The following TMEM181 variants were observed in gnomAD, a reference collection of about 807,000 sequenced individuals.
TMEM181 encodes transmembrane protein 181.
In TMEM181, 39 loss-of-function variants were observed where a neutral mutation model predicts 71.9. The ratio of observed to expected loss-of-function variants is 0.54; its 90% CI spans 0.42 to 0.71. The LOEUF is 0.71. TMEM181 is among the 30% of genes least tolerant of loss of function. TMEM181 has a pLI of 0.00. For synonymous variants in TMEM181, 245 were observed against 228.8 expected (o/e 1.07, Z -0.64); for missense variants, 595 against 583.0 (o/e 1.02, Z -0.21).
At chr6:158,607,131 G>A in intron 7 of TMEM181, 113 bp from the exon 8 acceptor site, 2 of 808,132 alleles carry the variant, frequency 2.5e-6, no homozygotes, top group Non-Finnish European at 4.2e-6. Context: ...TCTTAGTGGG[G>A]CACCTAGACC....
At chr6:158,582,462 T>G (rs1168091835) in intron 3 of TMEM181, among the ~76,000 whole-genome samples, 2 of 152,118 alleles carry the variant, frequency 1.3e-5, no homozygotes, top group African/African-American at 2.4e-5. Flanking sequence ...CACATTCACT[T>G]GAGACTAGCC....
At chr6:158,597,824 G>A (rs1228688700) in intron 6 of TMEM181, among the ~76,000 whole-genome samples, 1 of 152,080 alleles carries the variant, frequency 6.6e-6, no homozygotes, top group Non-Finnish European at 1.5e-5. Flanking sequence ...CCTTCTATAA[G>A]GTGCAAATCC....
At chr6:158,555,128 G>C (rs1423981064), upstream of TMEM181, among the ~76,000 whole-genome samples, 2 of 152,306 alleles carry the variant, frequency 1.3e-5, no homozygotes, top group South Asian at 4.1e-4. Flanking sequence ...CATCTGGTTT[G>C]CTTGGTTAAT....
At chr6:158,621,457 T>A (rs915754600) in intron 10 of TMEM181, 1 of 224,462 alleles carries the variant, frequency 4.5e-6, no homozygotes, top group Admixed American at 4.3e-5. Flanking sequence ...AGCCACACCA[T>A]CCTCTTCCTG....
intron 1 of TMEM181, among the ~76,000 whole-genome samples, chr6:158,544,182 A>AGAGTGTGT (rs149735409): frequency 1.6e-5 from 2 of 127,648 alleles, no homozygotes; most frequent in African/African-American, 6.1e-5. Flanking sequence ...AATTGGAGAG[A>AGAGTGTGT]GTGTGTGTGT....
At chr6:158,549,704 A>G (rs1050256432) in intron 1 of TMEM181, among the ~76,000 whole-genome samples, 2 of 152,228 alleles carry the variant, frequency 1.3e-5, no homozygotes, top group Non-Finnish European at 2.9e-5. Context: ...AGAGGATTAC[A>G]TAATTGCTTT....
At chr6:158,591,740 C>T (rs576715825) in intron 6 of TMEM181, among the ~76,000 whole-genome samples, 1 of 152,208 alleles carries the variant, frequency 6.6e-6, no homozygotes, top group East Asian at 1.9e-4. Context: ...ACATCATCTC[C>T]TACAAGCCTT....
At chr6:158,558,672 C>T (rs1326576955), upstream of TMEM181, among the ~76,000 whole-genome samples, 2 of 152,218 alleles carry the variant, frequency 1.3e-5, no homozygotes, top group Non-Finnish European at 1.5e-5. Flanking sequence ...GGTGTCTTCT[C>T]TTTTATGTTA....
intron 6 of TMEM181, among the ~76,000 whole-genome samples, chr6:158,597,087 C>T (rs550241135): frequency 1.3e-5 from 2 of 152,144 alleles, no homozygotes; most frequent in Non-Finnish European, 2.9e-5. Flanking sequence ...GTCGATGGCC[C>T]CTTCCTGCCT....
At chr6:158,594,245 C>T (rs1042851265) in intron 6 of TMEM181, among the ~76,000 whole-genome samples, 3 of 151,744 alleles carry the variant, frequency 2.0e-5, no homozygotes, top group South Asian at 2.1e-4. Context: ...ATTACAGGTG[C>T]GCACCACTAT....
chr6:158,540,870 T>C (rs1781314449), intron 1 of TMEM181, among the ~76,000 whole-genome samples: 1 of 152,094 alleles, frequency 6.6e-6, no homozygotes. Flanking sequence ...TCGACTCCTC[T>C]CCCGCAGCCT....
chr6:158,537,590 A>G (rs1336451734), intron 1 of TMEM181, among the ~76,000 whole-genome samples: 4 of 152,136 alleles, frequency 2.6e-5, no homozygotes, highest in Admixed American at 1.3e-4. Context: ...TTCACCGCCA[A>G]TGGCCGATTT....
At chr6:158,629,205 A>T (rs1287249999) in intron 14 of TMEM181, among the ~76,000 whole-genome samples, 1 of 152,194 alleles carries the variant, frequency 6.6e-6, no homozygotes, top group Non-Finnish European at 1.5e-5. Flanking sequence ...GGGATTTCTT[A>T]TGTCCCAGTT....
chr6:158,597,563 C>T (rs1030581375), intron 6 of TMEM181, among the ~76,000 whole-genome samples: 9 of 152,140 alleles, frequency 5.9e-5, no homozygotes, highest in South Asian at 2.1e-4. Flanking sequence ...TGCAGTGGCA[C>T]GATCACATCT....
chr6:158,595,780 G>A (rs1784355528), intron 6 of TMEM181, among the ~76,000 whole-genome samples: 1 of 152,194 alleles, frequency 6.6e-6, no homozygotes, highest in Non-Finnish European at 1.5e-5. Flanking sequence ...GGGTAGGTTA[G>A]TGGCTGGAAG....
At chr6:158,585,982 G>C (rs995231613) in intron 5 of TMEM181, among the ~76,000 whole-genome samples, 1 of 152,170 alleles carries the variant, frequency 6.6e-6, no homozygotes, top group Non-Finnish European at 1.5e-5. Flanking sequence ...ATGCTACCAG[G>C]GCTGACTAAT....
chr6:158,564,039 A>T (rs1176493573), intron 1 of TMEM181, among the ~76,000 whole-genome samples: 1 of 152,216 alleles, frequency 6.6e-6, no homozygotes, highest in Non-Finnish European at 1.5e-5. Context: ...CGGCTTCCGA[A>T]AGTGCTGGGA....
rs985703774 is a variant in TMEM181 at position 158,611,204 on chromosome 6, C to T, written c.896+2454C>T. ...CACTGTCTTGTCCTTCTCCACTGAC[C>T]TCTGGGATTGACTATCCTTCTCAGC... is the stretch of plus-strand genomic sequence containing the variant. On this transcript the variant is annotated intron_variant, in intron 10 of 16. Coordinates refer to ENST00000684151, the MANE Select transcript of TMEM181 (RefSeq NM_001376852.1). 2.9e-4 allele frequency: 151 copies of T among 513,684 alleles called. 1 individual carries two copies. The highest frequency in any genetic ancestry group is 4.2e-4 in the South Asian group (29 of 68,764). 31.8% of individuals were successfully genotyped at this position (513,684 alleles called of 1,614,324 possible).
At chr6:158,604,865 C>T (rs1019856479) in intron 6 of TMEM181, among the ~76,000 whole-genome samples, 11 of 151,890 alleles carry the variant, frequency 7.2e-5, no homozygotes, top group South Asian at 2.1e-4. Context: ...AATTATTTTT[C>T]GCTCTTGGTA....
Sources: gnomAD v4.1 joint callset for allele counts (sites outside exome capture counted in the v4.1 genomes callset) on GRCh38, gnomAD v4.1.1 for gene constraint, MANE v1.5 for transcripts, NCBI Gene and HGNC (gene_info 2026-07-23, HGNC 2026-07-21) for gene names.